Variants in EPHB1 observed in about 807,000 individuals in gnomAD.
The protein encoded by EPHB1 is EPH receptor B1.
EPHB1 carries 30 observed loss-of-function variants against 94.4 expected under a neutral mutation model. The observed-to-expected ratio is 0.32, with a 90% CI of 0.24 to 0.43. The LOEUF (loss-of-function observed/expected upper bound fraction) is 0.43, where lower values mean the gene tolerates loss of function less well. EPHB1 is among the 20% of genes least tolerant of loss of function. The pLI, the probability that EPHB1 is intolerant of heterozygous loss-of-function variation, is 1.00. For missense variants in EPHB1, 1,055 were observed against 1,308.3 expected (o/e 0.81, Z 2.99); for synonymous variants, 522 against 489.1 (o/e 1.07, Z -0.89).
intron 5 of EPHB1, among the ~76,000 whole-genome samples, chr3:135,137,937 C>T (rs573969951): frequency 2.8e-4 from 43 of 152,218 alleles, no homozygotes; most frequent in East Asian, 2.7e-3. Flanking sequence ...GCACCAGAAA[C>T]GAAAGTAGCA....
At chr3:134,863,913 C>T (rs1237623604) in intron 1 of EPHB1, among the ~76,000 whole-genome samples, 1 of 152,214 alleles carries the variant, frequency 6.6e-6, no homozygotes, top group Non-Finnish European at 1.5e-5. Context: ...AACTTGGCTA[C>T]ATCCTCTTCA....
intron 1 of EPHB1, among the ~76,000 whole-genome samples, chr3:134,826,069 G>A (rs373989920): frequency 1.4e-3 from 190 of 138,728 alleles, no homozygotes; most frequent in African/African-American, 5.1e-3. Context: ...GTGAAACCCC[G>A]TCTCTACTAA....
At chr3:135,195,893 C>T (rs1159097009) in intron 11 of EPHB1, among the ~76,000 whole-genome samples, 1 of 129,606 alleles carries the variant, frequency 7.7e-6, no homozygotes, top group South Asian at 2.8e-4. Context: ...AGTTCTAGAT[C>T]CCTGAGGAAT....
At chr3:135,063,455 TA>T (rs111882826) in intron 3 of EPHB1, among the ~76,000 whole-genome samples, 5,674 of 152,218 alleles carry the variant, frequency 0.037, 157 homozygotes, top group East Asian at 0.14. Flanking sequence ...GCAGCTATTG[TA>T]AAAGGGATTG....
At chr3:135,002,951 T>A (rs567806313) in intron 3 of EPHB1, among the ~76,000 whole-genome samples, 115 of 152,062 alleles carry the variant, frequency 7.6e-4, no homozygotes, top group African/African-American at 2.7e-3. Context: ...TTTGTGTCTC[T>A]ATTTCCTTCA....
At chr3:135,039,486 C>T (rs556265628) in intron 3 of EPHB1, among the ~76,000 whole-genome samples, 11 of 152,152 alleles carry the variant, frequency 7.2e-5, no homozygotes, top group Non-Finnish European at 1.5e-4. Flanking sequence ...GGGTGGTGCT[C>T]CCGTCGGGGA....
At chr3:135,254,509 A>G (rs865866295) in intron 15 of EPHB1, among the ~76,000 whole-genome samples, 41 of 149,604 alleles carry the variant, frequency 2.7e-4, no homozygotes, top group African/African-American at 9.6e-4. Flanking sequence ...TATATGCTGG[A>G]TTACATTTAT....
chr3:134,986,300 G>C (rs1057243495), intron 3 of EPHB1, among the ~76,000 whole-genome samples: 5 of 152,132 alleles, frequency 3.3e-5, no homozygotes, highest in African/African-American at 1.2e-4. Flanking sequence ...ATCAAGGGTG[G>C]GCCAAGTAGG....
Position 135,154,138 on chromosome 3 carries a change from TTC to T in EPHB1, c.1298-7_1298-6del. ...GTGTCTGTTCAGCTACCCTGTTTCT[TTC>T]TCTCTCCACAGCCCCCTCCACCGTT... On this transcript the variant is annotated splice_polypyrimidine_tract_variant and intron_variant, in intron 5 of 15. Coordinates refer to ENST00000398015, the MANE Select transcript of EPHB1 (RefSeq NM_004441.5). The T allele has an allele frequency of 6.2e-7, 1 of 1,613,866 alleles. No individual in the cohort carries two copies. Among genetic ancestry groups the T allele is most frequent in the Non-Finnish European group, 8.5e-7 (1 of 1,179,816 alleles).
chr3:134,993,641 A>G (rs1208532359), intron 3 of EPHB1, among the ~76,000 whole-genome samples: 1 of 152,208 alleles, frequency 6.6e-6, no homozygotes, highest in Non-Finnish European at 1.5e-5. Flanking sequence ...AGGGCTAGGA[A>G]GGAGCTTCCC....
At chr3:134,986,711 AAC>A (rs60628273) in intron 3 of EPHB1, among the ~76,000 whole-genome samples, 2,614 of 145,520 alleles carry the variant, frequency 0.018, 47 homozygotes, top group African/African-American at 0.046. Context: ...TAAAGATATT[AAC>A]ACACACACAC....
At position 134,952,015 on chromosome 3, in the gene EPHB1, G is replaced by C. The variant is rs1486745436; in HGVS notation, c.768G>C (p.Lys256Asn). 2 of 1,612,922 alleles carry C rather than the reference G, an allele frequency of 1.2e-6. No individual in the cohort carries two copies. The highest frequency in any genetic ancestry group is 1.7e-6 in the Non-Finnish European group (2 of 1,179,168). ...TGCCTATTGGGCGATGCACCTGCAAGCCTGGCTATGAGCCTGAGAACAGCG... is the reference window on the plus strand; with the variant it reads ...TGCCTATTGGGCGATGCACCTGCAACCCTGGCTATGAGCCTGAGAACAGCG... ...WMVPIGRCTC[K>N]PGYEPENSVA... The change falls in exon 3 of 16, where the codon AAG becomes AAC. Residue 256 changes from lysine (K) to asparagine (N), a missense_variant. Coordinates refer to ENST00000398015, the MANE Select transcript of EPHB1 (RefSeq NM_004441.5).
At chr3:134,958,926 G>A (rs2107720403) in intron 3 of EPHB1, among the ~76,000 whole-genome samples, 1 of 152,260 alleles carries the variant, frequency 6.6e-6, no homozygotes, top group South Asian at 2.1e-4. Context: ...TTCTGCCTTT[G>A]AGACACAGGG....
chr3:135,237,906 G>A lies in EPHB1; in HGVS notation c.2347-3242G>A, dbSNP rs747004316. Among the ~76,000 whole-genome samples, 11 of 152,276 alleles carry A rather than the reference G, an allele frequency of 7.2e-5. No homozygotes were observed. In the South Asian group the frequency reaches 8.3e-4, roughly 11 times the overall value. On this transcript the variant is annotated intron_variant, in intron 12 of 15. Coordinates refer to ENST00000398015, the MANE Select transcript of EPHB1 (RefSeq NM_004441.5). ...CTCCTCATGCAGCAGCAGCAGGACCGCCTGGCTGGCAGAACCCTGCCTGCT... is the reference window on the plus strand; with the variant it reads ...CTCCTCATGCAGCAGCAGCAGGACCACCTGGCTGGCAGAACCCTGCCTGCT...
intron 3 of EPHB1, among the ~76,000 whole-genome samples, chr3:135,102,833 G>C (rs1308883038): frequency 1.3e-5 from 2 of 152,198 alleles, no homozygotes; most frequent in East Asian, 3.8e-4. Flanking sequence ...GCAGGGACAT[G>C]GATGAAGCTG....
chr3:135,041,181 AACTTT>A (rs1336302019), intron 3 of EPHB1, among the ~76,000 whole-genome samples: 1 of 152,114 alleles, frequency 6.6e-6, no homozygotes, highest in Non-Finnish European at 1.5e-5. Flanking sequence ...ACATACTGAG[AACTTT>A]CAGCCTGCTA....
chr3:135,161,659 C>G (rs1941510596), intron 6 of EPHB1, among the ~76,000 whole-genome samples: 1 of 152,108 alleles, frequency 6.6e-6, no homozygotes, highest in Non-Finnish European at 1.5e-5. Context: ...CTGCTGAGGT[C>G]AGAGACTTGA....
chr3:135,031,333 G>A (rs1398960331), intron 3 of EPHB1, among the ~76,000 whole-genome samples: 1 of 152,042 alleles, frequency 6.6e-6, no homozygotes, highest in African/African-American at 2.4e-5. Flanking sequence ...GTTTCTTGAT[G>A]GGGTCTCACT....
intron 9 of EPHB1, among the ~76,000 whole-genome samples, chr3:135,170,681 A>G (rs1489306605): frequency 6.6e-6 from 1 of 152,204 alleles, no homozygotes; most frequent in African/African-American, 2.4e-5. Context: ...TATAAGTTTG[A>G]GAATCTATCT....
Sources: allele counts gnomAD v4.1 joint callset (sites outside exome capture counted in the v4.1 genomes callset), GRCh38; gene constraint gnomAD v4.1.1; transcripts MANE v1.5; gene names NCBI Gene and HGNC (gene_info 2026-07-23, HGNC 2026-07-21).